KIAA1217: variants seen among roughly 807,000 people sequenced by gnomAD.
KIAA1217 encodes sickle tail protein homolog.
Under a neutral mutation model 163.9 loss-of-function variants are expected in KIAA1217, and 88 were observed. The observed-to-expected ratio is 0.54, with a 90% confidence interval of 0.45 to 0.64. KIAA1217 has a LOEUF of 0.64. KIAA1217 is among the 30% of genes least tolerant of loss of function. KIAA1217 has a pLI of 0.00. For synonymous variants in KIAA1217, 903 were observed against 923.1 expected, an observed-to-expected ratio of 0.98 and a Z score of 0.39; for missense variants, 2,372 against 2,475.0, an observed-to-expected ratio of 0.96 and a Z score of 0.88.
intron 1 of KIAA1217, among the ~76,000 whole-genome samples, chr10:23,986,445 A>G (rs1845974233): frequency 6.6e-6 from 1 of 152,232 alleles, no homozygotes; most frequent in South Asian, 2.1e-4. Context: ...CATATAACCT[A>G]TGCATGTCAT....
At chr10:24,073,813 G>A (rs1295969145) in intron 2 of KIAA1217, among the ~76,000 whole-genome samples, 1 of 152,168 alleles carries the variant, frequency 6.6e-6, no homozygotes, top group Non-Finnish European at 1.5e-5. Flanking sequence ...AATGACTAGA[G>A]TGCCACAGCA....
intron 2 of KIAA1217, among the ~76,000 whole-genome samples, chr10:24,364,654 C>A (rs2050513575): frequency 6.6e-6 from 1 of 152,114 alleles, no homozygotes; most frequent in South Asian, 2.1e-4. Flanking sequence ...TTTCCGTGAC[C>A]TTAGTTAGCA....
chr10:24,335,231 G>C (rs926115345), intron 2 of KIAA1217, among the ~76,000 whole-genome samples: 2 of 151,968 alleles, frequency 1.3e-5, no homozygotes, highest in African/African-American at 2.4e-5. Flanking sequence ...AACTACACTA[G>C]TGGTTTCTTA....
intron 1 of KIAA1217, among the ~76,000 whole-genome samples, chr10:23,790,580 T>C (rs1305168858): frequency 5.8e-5 from 7 of 120,788 alleles, no homozygotes; most frequent in South Asian, 4.6e-4. Context: ...TATACATATG[T>C]ATATGTACAT....
intron 3 of KIAA1217, among the ~76,000 whole-genome samples, chr10:24,432,574 G>A (rs2059688494): frequency 6.6e-6 from 1 of 151,654 alleles, no homozygotes; most frequent in African/African-American, 2.4e-5. Flanking sequence ...TCCCACCACA[G>A]CCTCCTGAGT....
intron 2 of KIAA1217, among the ~76,000 whole-genome samples, chr10:24,346,066 G>A (rs1450576209): frequency 2.0e-5 from 3 of 152,130 alleles, no homozygotes; most frequent in Non-Finnish European, 4.4e-5. Flanking sequence ...TAAACCTACT[G>A]AAAGTGTTTG....
chr10:23,892,404 T>C (rs1392898276), intron 1 of KIAA1217, among the ~76,000 whole-genome samples: 1 of 151,978 alleles, frequency 6.6e-6, no homozygotes, highest in East Asian at 1.9e-4. Context: ...ACTGGAAGGC[T>C]GTTTCTTTTC....
rs80356424 is a variant in KIAA1217, at chr10:24,291,462, G to A, written c.354+71553G>A. Among the ~76,000 whole-genome samples, 1,446 of 152,256 alleles carry A rather than the reference G, an allele frequency of 9.5e-3. 29 individuals carry two copies. The highest frequency in any genetic ancestry group is 0.084 in the East Asian group (432 of 5,170). ...AGAGAATCACTTGAACCTGGGAGGCGGAGGTTCTAGTGAGTCAAGATCGCA... is the reference window on the plus strand; with the variant it reads ...AGAGAATCACTTGAACCTGGGAGGCAGAGGTTCTAGTGAGTCAAGATCGCA... On this transcript the variant is annotated intron_variant, in intron 2 of 20. Transcript: ENST00000376454.
intron 1 of KIAA1217, among the ~76,000 whole-genome samples, chr10:23,709,101 G>A (rs536198946): frequency 3.3e-5 from 5 of 152,280 alleles, no homozygotes; most frequent in Admixed American, 6.5e-5. Flanking sequence ...TTTCTGTTGC[G>A]GTGTTCATGG....
chr10:24,402,517 A>AAAAAC (rs2056674169), intron 3 of KIAA1217, among the ~76,000 whole-genome samples: 1 of 91,796 alleles, frequency 1.1e-5, no homozygotes, highest in African/African-American at 1.1e-4. Flanking sequence ...TCAAAAAAAC[A>AAAAAC]AAAAACAAAA....
rs1835887380 is a variant in KIAA1217 at position 23,790,633 on chromosome 10, G to A, written c.-321+95399G>A. On this transcript the variant is annotated intron_variant, in intron 1 of 18. Coordinates refer to the KIAA1217 transcript ENST00000376462. The stretch of plus-strand genomic sequence containing the variant: ...TACATATGTATATATACATATATAT[G>A]TACATGTATACATATGTGTATATAT... Among the ~76,000 whole-genome samples, 4 of 132,494 alleles carry A rather than the reference G, an allele frequency of 3.0e-5. 1 individual carries two copies. Among genetic ancestry groups the A allele is most frequent in the African/African-American group, 6.4e-5 (2 of 31,238 alleles). The allele number at this position is 132,494 out of a possible 152,430, so 86.9% of individuals were successfully genotyped here.
chr10:24,036,154 A>G (rs1056529944), intron 2 of KIAA1217, among the ~76,000 whole-genome samples: 1 of 152,244 alleles, frequency 6.6e-6, no homozygotes, highest in East Asian at 1.9e-4. Context: ...AAGCCAGGGC[A>G]GCTCAGGCAG....
At chr10:24,214,330 A>T (rs2068537133) in intron 1 of KIAA1217, among the ~76,000 whole-genome samples, 1 of 152,190 alleles carries the variant, frequency 6.6e-6, no homozygotes, top group Non-Finnish European at 1.5e-5. Flanking sequence ...GACACAGCAC[A>T]GTGTGATTTC....
At chr10:24,323,293 G>A (rs1334675051) in intron 2 of KIAA1217, among the ~76,000 whole-genome samples, 1 of 152,126 alleles carries the variant, frequency 6.6e-6, no homozygotes, top group Non-Finnish European at 1.5e-5. Flanking sequence ...CCTGGCCCAG[G>A]AGTATGTTGT....
intron 10 of KIAA1217, among the ~76,000 whole-genome samples, chr10:24,516,226 A>T (rs996604096): frequency 6.6e-6 from 1 of 152,234 alleles, no homozygotes; most frequent in Non-Finnish European, 1.5e-5. Context: ...AAAATGCAAG[A>T]TGTCTTTAGA....
intron 2 of KIAA1217, among the ~76,000 whole-genome samples, chr10:24,037,304 A>G (rs142866956): frequency 6.6e-6 from 1 of 152,064 alleles, no homozygotes; most frequent in Non-Finnish European, 1.5e-5. Context: ...TGTCTCTACT[A>G]AAAAAATAAA....
intron 1 of KIAA1217, among the ~76,000 whole-genome samples, chr10:23,721,639 T>C (rs1837877759): frequency 6.6e-6 from 1 of 152,032 alleles, no homozygotes; most frequent in African/African-American, 2.4e-5. Context: ...CTGAGTATGG[T>C]TACCTTGAAG....
At chr10:23,722,966 C>T (rs1837948380) in intron 1 of KIAA1217, among the ~76,000 whole-genome samples, 1 of 152,214 alleles carries the variant, frequency 6.6e-6, no homozygotes, top group Admixed American at 6.5e-5. Flanking sequence ...GCCTCACTCT[C>T]AGATTGGTGG....
intron 1 of KIAA1217, among the ~76,000 whole-genome samples, chr10:23,962,634 C>G (rs1476561573): frequency 6.6e-6 from 1 of 152,170 alleles, no homozygotes; most frequent in East Asian, 1.9e-4. Context: ...TGACCCTACC[C>G]CGTATCCCAC....
Sources: gnomAD v4.1 joint callset for allele counts (sites outside exome capture counted in the v4.1 genomes callset) on GRCh38, gnomAD v4.1.1 for gene constraint, MANE v1.5 for transcripts, NCBI Gene and HGNC (gene_info 2026-07-23, HGNC 2026-07-21) for gene names.